The following ZMYM6 variants were observed in gnomAD, a reference collection of about 807,000 sequenced individuals.
ZMYM6 encodes the protein zinc finger MYM-type protein 6.
Under a neutral mutation model 134.0 loss-of-function variants are expected in ZMYM6, and 90 were observed. That is an observed-to-expected ratio of 0.67 (90% CI 0.57 to 0.80). The LOEUF (loss-of-function observed/expected upper bound fraction) is 0.80. Among genes scored for constraint, ZMYM6 ranks in the 30% least tolerant of loss-of-function variants. The probability of loss-of-function intolerance (pLI) is 0.00; values close to 1 mark genes in which losing one functional copy is unlikely to be tolerated. For synonymous variants in ZMYM6, 481 were observed against 524.1 expected, an observed-to-expected ratio of 0.92 and a Z score of 1.12; for missense variants, 1,362 against 1,533.9, an observed-to-expected ratio of 0.89 and a Z score of 1.87.
At chr1:35,022,404 C>T (rs1235918038) in intron 2 of ZMYM6, among the ~76,000 whole-genome samples, 1 of 152,132 alleles carries the variant, frequency 6.6e-6, no homozygotes, top group Non-Finnish European at 1.5e-5. Context: ...GCTGGGATTA[C>T]AGGCACTCAC....
At position 34,987,927 on chromosome 1, in the gene ZMYM6, A is replaced by G. The variant is rs1246513408; in HGVS notation, c.3155T>C (p.Ile1052Thr). The change falls in exon 16 of 16, where the codon ATT becomes ACT. Residue 1052 changes from isoleucine (I) to threonine (T), a missense_variant. This residue lies in a region of ZMYM6 where 824 missense variants were observed against 940.9 expected (regional missense o/e 0.88). Transcript: ENST00000357182. ...SNALNSRMLT[I>T]LCEEMGSEHV... ...CTCAGATCCCATCTCTTCACACAAAATTGTTAACATACGTGAATTTAATGC... is the reference window on the plus strand; with the variant it reads ...CTCAGATCCCATCTCTTCACACAAAGTTGTTAACATACGTGAATTTAATGC... 6.4e-7 allele frequency: 1 copy of G among 1,551,690 alleles called. No homozygotes were observed. Among genetic ancestry groups the G allele is most frequent in the Non-Finnish European group, 8.7e-7 (1 of 1,146,978 alleles).
chr1:35,025,485 A>AG (rs1277948864), intron 2 of ZMYM6, among the ~76,000 whole-genome samples: 2 of 150,160 alleles, frequency 1.3e-5, no homozygotes, highest in South Asian at 2.1e-4. Flanking sequence ...AAAAAAAAAA[A>AG]AAAGAAAGAA....
rs1640613567 is a variant in ZMYM6, at chr1:34,988,622, CTT to C, written c.2458_2459del (p.Lys820ValfsTer5). On this transcript the variant is annotated frameshift_variant, in exon 16 of 16. Coordinates refer to ENST00000357182, the MANE Select transcript of ZMYM6 (RefSeq NM_007167.4). LOFTEE classifies it high-confidence loss of function. The part of the protein sequence containing the change: ...EMECQNSSLK[K>X]CLLVEKSLVK... ...CAAGTGACTTTTCAACTAGTAAACA[CTT>C]TTTTAAAGAACTATTTTGACATTCC... 1.3e-6 allele frequency: 2 copies of C among 1,548,728 alleles called. No homozygotes were observed. Among genetic ancestry groups the C allele is most frequent in the South Asian group, 1.2e-5 (1 of 83,204 alleles).
At chr1:35,012,318 G>A in intron 7 of ZMYM6, 113 bp downstream of exon 7, 3 of 1,031,786 alleles carry the variant, frequency 2.9e-6, no homozygotes, top group Non-Finnish European at 4.0e-6. Flanking sequence ...GTCAGTCTTG[G>A]GTTTTTATTT....
Position 34,988,502 on chromosome 1 carries a change from C to CCAT in ZMYM6, c.2579_2580insATG (p.Met860delinsIleTrp). The CCAT allele has an allele frequency of 6.4e-7, 1 of 1,550,898 alleles. No homozygotes were observed. The highest frequency in any genetic ancestry group is 2.4e-5 in the East Asian group (1 of 40,898). On this transcript the variant is annotated protein_altering_variant, in exon 16 of 16. Coordinates refer to ENST00000357182, the MANE Select transcript of ZMYM6 (RefSeq NM_007167.4). ...CACTTGAACCCAAAACTTCTGAACA[C>CCAT]ATTTCTACTAAATATGGTTTAATTA...
At chr1:35,026,382 T>A (rs1370941414) in intron 2 of ZMYM6, among the ~76,000 whole-genome samples, 1 of 152,228 alleles carries the variant, frequency 6.6e-6, no homozygotes, top group Non-Finnish European at 1.5e-5. Flanking sequence ...AAAAACATTT[T>A]TATTTATCTC....
rs186938617 is a variant in ZMYM6, at chr1:35,024,750, A to G, written c.94-4283T>C. ...CTGAAACTCTTAGTCAATTTTTATA[A>G]TACAATTGCTACCTGCTATGTGAAA... On this transcript the variant is annotated intron_variant, in intron 2 of 15. Coordinates refer to ENST00000357182, the MANE Select transcript of ZMYM6 (RefSeq NM_007167.4). Among the ~76,000 whole-genome samples, 51 of 152,274 alleles carry G rather than the reference A, an allele frequency of 3.3e-4. No homozygotes were observed. In the East Asian group the frequency reaches 9.3e-3, roughly 28 times the overall value.
chr1:35,019,190 T>A, intron 4 of ZMYM6, 163 bp downstream of exon 4: 1 of 1,008,288 alleles, frequency 9.9e-7, no homozygotes, highest in East Asian at 2.6e-5. Flanking sequence ...GTCACTTATT[T>A]AATGTTGCAA....
In ZMYM6 at chr1:35,001,443, A is replaced by T. The variant is rs1430529556; in HGVS notation, c.1992+2525T>A. On this transcript the variant is annotated intron_variant, in intron 14 of 15. Coordinates refer to ENST00000357182, the MANE Select transcript of ZMYM6 (RefSeq NM_007167.4). ...ATATAGGGCAGCTACATGAAATATG[A>T]GGTATATGTTCCTAAAAAACTAAAT... 9.9e-5 allele frequency among the ~76,000 whole-genome samples: 15 copies of T among 152,264 alleles called. No homozygotes were observed. In the East Asian group the frequency reaches 2.9e-3, roughly 29 times the overall value.
Position 35,011,930 on chromosome 1 carries a change from A to G in ZMYM6, c.1022T>C (p.Ile341Thr), listed in dbSNP as rs1641093893. 1.9e-6 allele frequency: 3 copies of G among 1,611,532 alleles called. No homozygotes were observed. The highest frequency in any genetic ancestry group is 2.5e-6 in the Non-Finnish European group (3 of 1,178,448). The change falls in exon 8 of 16, where the codon ATA (isoleucine) becomes ACA (threonine). Residue 341 changes from isoleucine to threonine, a missense_variant. Physicochemically the swap from Ile to Thr is moderately conservative, Grantham distance 89 (BLOSUM62 -1). Transcript: ENST00000357182. ...QYHLAMSNGTIYSFCSSSCVV... is the reference protein window; with the variant it reads ...QYHLAMSNGTTYSFCSSSCVV... ...ACAACTGGAGCTGCAGAAGCTGTAT[A>G]TAGTTCCATTTGACATGGCTAGGTG... is the stretch of plus-strand genomic sequence containing the variant.
rs1437390536 is a variant in ZMYM6 at position 35,010,946 on chromosome 1, C to T, written c.1153G>A (p.Ala385Thr). 2.5e-6 allele frequency: 4 copies of T among 1,612,594 alleles called. No homozygotes were observed. Among genetic ancestry groups the T allele is most frequent in the Non-Finnish European group, 3.4e-6 (4 of 1,179,526 alleles). Residue 385 changes from alanine to threonine, a missense_variant, in exon 9 of 16, where the codon GCA (alanine) becomes ACA (threonine). Around this residue, in one of 3 missense-constraint regions of ZMYM6, gnomAD observed 503 missense variants for 520.8 expected, o/e 0.97. Coordinates refer to ENST00000357182, the MANE Select transcript of ZMYM6 (RefSeq NM_007167.4). ...VVVSPPSSRS[A>T]VSIGGGNTSA... is the part of the protein sequence containing the mutation. ...GTGTTACCTCCTCCTATTGACACTG[C>T]TGACCTGGAGGAGGGCGGGCTTACA...
In ZMYM6 at chr1:35,005,071, A is replaced by G. The variant is rs539948618; in HGVS notation, c.1954+61T>C. Reference sequence around the variant, plus strand: ...GAAACTGTCTCAAAAAGAGAGAACTACTTAGGCTAGACAACACTCACTTCT... The same window carrying G: ...GAAACTGTCTCAAAAAGAGAGAACTGCTTAGGCTAGACAACACTCACTTCT... On this transcript the variant is annotated intron_variant, in intron 13 of 15. Transcript: ENST00000357182. 1.1e-5 allele frequency: 18 copies of G among 1,592,174 alleles called. No individual in the cohort carries two copies. The Admixed American group carries it at 1.5e-4, about 14-fold the overall frequency.
Position 34,988,726 on chromosome 1 carries a change from A to G in ZMYM6, c.2356T>C (p.Ser786Pro). The change falls in exon 16 of 16, where the codon TCT (serine) becomes CCT (proline). Residue 786 changes from serine (S) to proline (P), a missense_variant. Physicochemically the swap from Ser to Pro is moderately conservative, Grantham distance 74. This residue lies in a region of ZMYM6 where 824 missense variants were observed against 940.9 expected (regional missense o/e 0.88). Coordinates refer to ENST00000357182, the MANE Select transcript of ZMYM6 (RefSeq NM_007167.4). The part of the protein sequence containing the change: ...SSENMKPANL[S>P]HHLKTKHSEL... ...GAATGTTTTGTCTTCAAATGATGAG[A>G]AAGATTTGCTGGCTTCATGTTTTCA... 1 of 1,551,336 alleles carries G rather than the reference A, an allele frequency of 6.4e-7. No homozygotes were observed. The highest frequency in any genetic ancestry group is 8.7e-7 in the Non-Finnish European group (1 of 1,146,898).
chr1:35,004,325 A>G (rs1338982313), intron 13 of ZMYM6, among the ~76,000 whole-genome samples: 2 of 152,214 alleles, frequency 1.3e-5, no homozygotes, highest in Admixed American at 6.5e-5. Context: ...CTGCCTGATT[A>G]AAAAGAAAAC....
chr1:35,015,743 A>AAAAAAAAATATATATATATATAT, intron 4 of ZMYM6, among the ~76,000 whole-genome samples: 21 of 106,434 alleles, frequency 2.0e-4, no homozygotes, highest in African/African-American at 1.3e-3. Context: ...AAAAAAAAAA[A>AAAAAAAAATATATATATATATAT]ATATATATAT....
intron 12 of ZMYM6, among the ~76,000 whole-genome samples, chr1:35,006,019 T>C (rs1175162487): frequency 6.6e-6 from 1 of 152,216 alleles, no homozygotes; most frequent in Non-Finnish European, 1.5e-5. Flanking sequence ...GTGGCTTTTT[T>C]TTCTGAGAGA....
chr1:35,016,219 G>A (rs1439859894), intron 4 of ZMYM6, among the ~76,000 whole-genome samples: 4 of 152,146 alleles, frequency 2.6e-5, no homozygotes, highest in African/African-American at 9.7e-5. Flanking sequence ...AAAGTGTTGG[G>A]ATTACAGGCA....
In ZMYM6 at chr1:35,010,471, C is replaced by A. The variant is rs201064327; in HGVS notation, c.1468G>T (p.Val490Phe). 1 of 1,613,156 alleles carries A rather than the reference C, an allele frequency of 6.2e-7. No individual in the cohort carries two copies. Among genetic ancestry groups the A allele is most frequent in the Non-Finnish European group, 8.5e-7 (1 of 1,179,816 alleles). ...CCTTCACTACAGAATGGCTTATCAA[C>A]CCCTGAGAATCGCACAGTCTCCTTT... ...IIKETVRFSG[V>F]DKPFCSEVCK... The change falls in exon 10 of 16, where the codon GTT (valine) becomes TTT (phenylalanine). Residue 490 changes from valine to phenylalanine, a missense_variant. Val to Phe is a conservative substitution (Grantham distance 50). Coordinates refer to ENST00000357182, the MANE Select transcript of ZMYM6 (RefSeq NM_007167.4).
chr1:35,017,852 T>C (rs958664036), intron 4 of ZMYM6: 9 of 152,176 alleles, frequency 5.9e-5, no homozygotes, highest in African/African-American at 1.7e-4. Context: ...AAGAAAACAA[T>C]AGGCATTTGG....
Sources: gnomAD v4.1 joint callset for allele counts (sites outside exome capture counted in the v4.1 genomes callset) on GRCh38, gnomAD v4.1.1 for gene constraint, gnomAD v4.1.1 regional missense constraint, MANE v1.5 for transcripts, NCBI Gene and HGNC (gene_info 2026-07-23, HGNC 2026-07-21) for gene names.